The following STX8 variants were observed in gnomAD, a reference collection of about 807,000 sequenced individuals.
The protein encoded by STX8 is syntaxin-8.
A neutral mutation model predicts 37.5 loss-of-function variants in STX8; 23 were observed. The ratio of observed to expected loss-of-function variants is 0.61; its 90% confidence interval spans 0.44 to 0.87. The LOEUF is 0.87. Among genes scored for constraint, STX8 ranks in the 40% least tolerant of loss-of-function variants. STX8 has a pLI of 0.00. For synonymous variants in STX8, 115 were observed against 99.1 expected, an observed-to-expected ratio of 1.16 and a Z score of -0.95; for missense variants, 313 against 284.7, an observed-to-expected ratio of 1.10 and a Z score of -0.71.
chr17:9,571,493 G>GT (rs1457261259), intron 1 of STX8, among the ~76,000 whole-genome samples: 1 of 151,218 alleles, frequency 6.6e-6, no homozygotes, highest in Non-Finnish European at 1.5e-5. Context: ...TGGGTCGGGG[G>GT]GTGGCTGAGG....
At chr17:9,271,071 C>T (rs1191886169) in intron 7 of STX8, among the ~76,000 whole-genome samples, 1 of 152,182 alleles carries the variant, frequency 6.6e-6, no homozygotes, top group African/African-American at 2.4e-5. Context: ...CCAAAAATCA[C>T]CTAACGACAG....
intron 6 of STX8, among the ~76,000 whole-genome samples, chr17:9,385,058 T>C (rs1597638771): frequency 6.8e-6 from 1 of 147,970 alleles, no homozygotes; most frequent in Non-Finnish European, 1.5e-5. Flanking sequence ...CTGGAGTAGG[T>C]AGGCAAAAAT....
chr17:9,291,273 C>A (rs975048806), intron 7 of STX8, among the ~76,000 whole-genome samples: 12 of 151,938 alleles, frequency 7.9e-5, no homozygotes, highest in African/African-American at 2.9e-4. Context: ...GGTGAAACCT[C>A]GTGTCCACTA....
chr17:9,272,357 C>A (rs1174076324), intron 7 of STX8, among the ~76,000 whole-genome samples: 2 of 152,206 alleles, frequency 1.3e-5, no homozygotes, highest in Non-Finnish European at 2.9e-5. Context: ...AGATAACTAC[C>A]CGGCAGGGAG....
chr17:9,340,918 A>G (rs905446210), intron 7 of STX8, among the ~76,000 whole-genome samples: 2 of 149,928 alleles, frequency 1.3e-5, no homozygotes, highest in African/African-American at 4.9e-5. Context: ...CGGCCTCTCA[A>G]AGTGCTGGGA....
At chr17:9,379,296 C>T (rs572901324) in intron 6 of STX8, among the ~76,000 whole-genome samples, 1 of 149,562 alleles carries the variant, frequency 6.7e-6, no homozygotes, top group South Asian at 2.1e-4. Flanking sequence ...TCAGGGACTA[C>T]CTGGGCCCTT....
chr17:9,259,238 G>A (rs542338063), intron 7 of STX8, among the ~76,000 whole-genome samples: 3 of 152,234 alleles, frequency 2.0e-5, no homozygotes, highest in Non-Finnish European at 4.4e-5. Flanking sequence ...TGAGGATTTC[G>A]GAAGATACAG....
At chr17:9,368,936 T>C (rs905145832) in intron 7 of STX8, among the ~76,000 whole-genome samples, 3 of 145,348 alleles carry the variant, frequency 2.1e-5, no homozygotes, top group African/African-American at 7.5e-5. Flanking sequence ...TTTTTTTTTT[T>C]TAAAGAAACA....
chr17:9,304,924 A>AAAAAAT (rs1555592975), intron 7 of STX8, among the ~76,000 whole-genome samples: 2 of 135,006 alleles, frequency 1.5e-5, no homozygotes, highest in African/African-American at 6.7e-5. Context: ...CGAAAAAAAA[A>AAAAAAT]ATATGTATAT....
intron 6 of STX8, among the ~76,000 whole-genome samples, chr17:9,384,794 T>TTTGTGTGTG (rs141833380): frequency 6.8e-6 from 1 of 147,656 alleles, no homozygotes; most frequent in Non-Finnish European, 1.5e-5. Context: ...CCAGATAGAC[T>TTTGTGTGTG]TGTGTGTGTG....
intron 6 of STX8, among the ~76,000 whole-genome samples, chr17:9,414,314 G>A (rs1913101296): frequency 6.6e-6 from 1 of 151,644 alleles, no homozygotes; most frequent in African/African-American, 2.4e-5. Context: ...TCTCTGTGGT[G>A]CAGAACTTTT....
intron 6 of STX8, among the ~76,000 whole-genome samples, chr17:9,420,171 C>A (rs74675382): frequency 6.6e-6 from 1 of 152,156 alleles, no homozygotes; most frequent in Non-Finnish European, 1.5e-5. Context: ...GCACAGGGAC[C>A]GCACTCAGGA....
chr17:9,513,296 T>C (rs553194370), intron 4 of STX8, among the ~76,000 whole-genome samples: 46 of 110,768 alleles, frequency 4.2e-4, no homozygotes, highest in African/African-American at 1.5e-3. Flanking sequence ...CTGGATAACA[T>C]AGTGAGACTC....
chr17:9,371,042 G>A (rs1911386728), intron 7 of STX8, among the ~76,000 whole-genome samples: 2 of 152,200 alleles, frequency 1.3e-5, no homozygotes, highest in South Asian at 4.1e-4. Flanking sequence ...CTGTGCTCCT[G>A]AGTGAAAGGT....
intron 6 of STX8, among the ~76,000 whole-genome samples, chr17:9,455,246 T>C (rs1397789380): frequency 6.6e-6 from 1 of 151,472 alleles, no homozygotes; most frequent in African/African-American, 2.4e-5. Flanking sequence ...ACGCCTGTAA[T>C]CCTAGCAATT....
At chr17:9,399,243 C>A (rs1034756269) in intron 6 of STX8, among the ~76,000 whole-genome samples, 1 of 152,172 alleles carries the variant, frequency 6.6e-6, no homozygotes, top group African/African-American at 2.4e-5. Flanking sequence ...TCCATTCTCA[C>A]AGCATCCCTA....
intron 6 of STX8, among the ~76,000 whole-genome samples, chr17:9,378,932 A>C (rs1911696353): frequency 6.6e-6 from 1 of 152,186 alleles, no homozygotes; most frequent in Non-Finnish European, 1.5e-5. Context: ...ATGCCTAGCC[A>C]AGCTGTCATT....
intron 6 of STX8, among the ~76,000 whole-genome samples, chr17:9,393,416 A>G (rs77709030): frequency 8.5e-4 from 130 of 152,364 alleles, no homozygotes; most frequent in African/African-American, 3.0e-3. Context: ...GATGAACAGC[A>G]GAAATGGTAA....
At chr17:9,394,509 C>T (rs1219461486) in intron 6 of STX8, among the ~76,000 whole-genome samples, 3 of 151,554 alleles carry the variant, frequency 2.0e-5, no homozygotes, top group Admixed American at 6.6e-5. Context: ...GGATTACAGG[C>T]GCCCGCCACC....
Sources: gnomAD v4.1 joint callset for allele counts (sites outside exome capture counted in the v4.1 genomes callset) on GRCh38, gnomAD v4.1.1 for gene constraint, MANE v1.5 for transcripts, NCBI Gene and HGNC (gene_info 2026-07-23, HGNC 2026-07-21) for gene names.